The following CHST8 variants were observed in gnomAD, a reference collection of about 807,000 sequenced individuals.
CHST8 encodes the protein GALNAC-4-ST1.
In CHST8, 10 loss-of-function variants were observed where a neutral mutation model predicts 15.0. The ratio of observed to expected loss-of-function variants is 0.67; its 90% confidence interval spans 0.41 to 1.13. CHST8 has a LOEUF of 1.13. Among genes scored for constraint, CHST8 ranks in the 50% most tolerant of loss-of-function variants. The pLI, the probability that CHST8 is intolerant of heterozygous loss-of-function variation, is 0.00. For missense variants in CHST8, 634 were observed against 608.2 expected, an observed-to-expected ratio of 1.04 and a Z score of -0.45; for synonymous variants, 259 against 256.6, an observed-to-expected ratio of 1.01 and a Z score of -0.09.
chr19:33,757,454 GAA>G lies in CHST8; in HGVS notation c.131-13957_131-13956del, dbSNP rs759182078. Among the ~76,000 whole-genome samples the G allele has an allele frequency of 2.9e-3, 101 of 34,530 alleles. 18 individuals carry two copies. The highest frequency in any genetic ancestry group is 4.7e-3 in the Non-Finnish European group (79 of 16,834). 22.7% of individuals were successfully genotyped at this position (34,530 alleles called of 152,430 possible). The stretch of plus-strand genomic sequence containing the variant: ...AGAAAGAAAGAAAGAAAGAAAGAAA[GAA>G]AGAAAGAAAGAAAGAAAGAAAGAAA... On this transcript the variant is annotated intron_variant, in intron 3 of 4. Coordinates refer to ENST00000650847, the MANE Select transcript of CHST8 (RefSeq NM_001127895.2).
chr19:33,714,965 C>T (rs980430840), intron 3 of CHST8, among the ~76,000 whole-genome samples: 3 of 152,164 alleles, frequency 2.0e-5, no homozygotes, highest in Non-Finnish European at 2.9e-5. Context: ...TGCAGCCCAC[C>T]CTGAGAGATC....
At chr19:33,679,467 G>A (rs1972857025) in intron 2 of CHST8, among the ~76,000 whole-genome samples, 1 of 152,218 alleles carries the variant, frequency 6.6e-6, no homozygotes, top group African/African-American at 2.4e-5. Flanking sequence ...TAATTGCCAA[G>A]AAGTAAGTGT....
At chr19:33,683,678 C>A (rs908413911) in intron 2 of CHST8, among the ~76,000 whole-genome samples, 4 of 152,208 alleles carry the variant, frequency 2.6e-5, no homozygotes, top group Non-Finnish European at 4.4e-5. Flanking sequence ...GCTCATTCAA[C>A]GTGCAGCAGA....
chr19:33,665,225 C>T (rs1313745242), intron 1 of CHST8, among the ~76,000 whole-genome samples: 1 of 152,150 alleles, frequency 6.6e-6, no homozygotes. Context: ...ACAAGAGTTC[C>T]CCTTTCTCCA....
intron 1 of CHST8, among the ~76,000 whole-genome samples, chr19:33,658,265 G>A (rs112519808): frequency 0.031 from 4,763 of 152,252 alleles, 211 homozygotes; most frequent in African/African-American, 0.099. Context: ...ACTTGAACTC[G>A]GGAGGCGGAG....
chr19:33,736,191 G>A (rs960872764), intron 3 of CHST8, among the ~76,000 whole-genome samples: 3 of 152,220 alleles, frequency 2.0e-5, no homozygotes, highest in Non-Finnish European at 4.4e-5. Context: ...GGAGGCCAGG[G>A]GATAGACTGG....
intron 3 of CHST8, among the ~76,000 whole-genome samples, chr19:33,762,821 T>C (rs1974763602): frequency 2.0e-5 from 3 of 152,088 alleles, no homozygotes; most frequent in African/African-American, 7.2e-5. Context: ...AAGGCACTTG[T>C]CCAAGGTCAC....
intron 1 of CHST8, among the ~76,000 whole-genome samples, chr19:33,647,760 C>T (rs1447547837): frequency 1.3e-5 from 2 of 151,896 alleles, no homozygotes; most frequent in Non-Finnish European, 2.9e-5. Context: ...GCAGGAGAAT[C>T]ACTTGAACCC....
chr19:33,753,439 TCCTCCCACCACCCACCCA>T (rs1974462261), intron 3 of CHST8, among the ~76,000 whole-genome samples: 1 of 7,672 alleles, frequency 1.3e-4, no homozygotes, highest in African/African-American at 9.3e-4. Context: ...CCACCCTCCA[TCCTCCCACCACCCACCCA>T]CCATCCTCCC....
chr19:33,747,152 C>T (rs966704846), intron 3 of CHST8, among the ~76,000 whole-genome samples: 4 of 152,114 alleles, frequency 2.6e-5, no homozygotes, highest in East Asian at 1.9e-4. Context: ...GAATAAAGAA[C>T]GAGGGGGCAG....
chr19:33,727,118 C>T (rs1056257358), intron 3 of CHST8, among the ~76,000 whole-genome samples: 2 of 151,904 alleles, frequency 1.3e-5, no homozygotes, highest in Non-Finnish European at 2.9e-5. Flanking sequence ...TCTGGCCACG[C>T]GTCCTGCTCC....
intron 2 of CHST8, among the ~76,000 whole-genome samples, chr19:33,681,390 C>T (rs553454097): frequency 3.3e-4 from 50 of 152,358 alleles, no homozygotes; most frequent in African/African-American, 1.2e-3. Flanking sequence ...AGGGAAACAG[C>T]TTGGCTGGGC....
chr19:33,650,395 C>T (rs915100655), intron 1 of CHST8, among the ~76,000 whole-genome samples: 1 of 151,618 alleles, frequency 6.6e-6, no homozygotes, highest in South Asian at 2.1e-4. Flanking sequence ...CTATTCAGAT[C>T]CTTTGCCCAT....
chr19:33,643,225 C>T (rs1972306510), intron 1 of CHST8, among the ~76,000 whole-genome samples: 1 of 152,156 alleles, frequency 6.6e-6, no homozygotes, highest in Admixed American at 6.5e-5. Flanking sequence ...ATAATCACAA[C>T]CGCACTGGGA....
intron 1 of CHST8, among the ~76,000 whole-genome samples, chr19:33,631,961 G>A (rs192338659): frequency 6.6e-6 from 1 of 152,280 alleles, no homozygotes; most frequent in African/African-American, 2.4e-5. Context: ...ACAATCAGTG[G>A]CAGCTGCTAC....
At chr19:33,736,520 GCCCAA>G (rs1974086157) in intron 3 of CHST8, among the ~76,000 whole-genome samples, 1 of 152,154 alleles carries the variant, frequency 6.6e-6, no homozygotes, top group Non-Finnish European at 1.5e-5. Context: ...TCTGGTGTCT[GCCCAA>G]GCTCAGACAA....
At position 33,757,520 on chromosome 19, in the gene CHST8, A is replaced by AAGAG. The variant is rs1491464750; in HGVS notation, c.131-13891_131-13888dup. Among the ~76,000 whole-genome samples the AAGAG allele has an allele frequency of 6.3e-4, 13 of 20,692 alleles. 2 individuals are homozygous for AAGAG. Among genetic ancestry groups the AAGAG allele is most frequent in the African/African-American group, 1.7e-3 (7 of 4,068 alleles). 13.6% of individuals were successfully genotyped at this position (20,692 alleles called of 152,430 possible). A position where few individuals can be genotyped will look rare whatever the true frequency, so the allele number is the denominator to read the frequency against. On this transcript the variant is annotated intron_variant, in intron 3 of 4. Coordinates refer to ENST00000650847, the MANE Select transcript of CHST8 (RefSeq NM_001127895.2). ...AAAGAAAGAAAGAAAGAAAGAAAGA[A>AAGAG]AGAGAAAGAAAGAAAGAAAGAAAGA...
intron 3 of CHST8, among the ~76,000 whole-genome samples, chr19:33,737,423 G>A (rs1322875092): frequency 2.0e-5 from 3 of 152,194 alleles, no homozygotes; most frequent in Non-Finnish European, 2.9e-5. Flanking sequence ...ACTGTCCCTA[G>A]CACTGGGTAT....
intron 3 of CHST8, among the ~76,000 whole-genome samples, chr19:33,708,991 C>T (rs1431804848): frequency 1.3e-5 from 2 of 152,120 alleles, no homozygotes; most frequent in African/African-American, 4.8e-5. Flanking sequence ...TTTGATGCTA[C>T]AGTGAATGGA....
Sources: gnomAD v4.1 joint callset for allele counts (sites outside exome capture counted in the v4.1 genomes callset) on GRCh38, gnomAD v4.1.1 for gene constraint, MANE v1.5 for transcripts, NCBI Gene and HGNC (gene_info 2026-07-23, HGNC 2026-07-21) for gene names.